The following ZSCAN2 variants were observed in gnomAD, a reference collection of about 807,000 sequenced individuals.
The protein encoded by ZSCAN2 is zinc finger and SCAN domain containing 2, also known as zinc finger and SCAN domain-containing protein 2.
In ZSCAN2, 26 loss-of-function variants were observed where a neutral mutation model predicts 47.8. The ratio of observed to expected loss-of-function variants is 0.54; its 90% CI spans 0.40 to 0.75. ZSCAN2 has a LOEUF of 0.75. ZSCAN2 is among the 30% of genes least tolerant of loss of function. The pLI, the probability that ZSCAN2 is intolerant of heterozygous loss-of-function variation, is 0.00. For synonymous variants in ZSCAN2, 305 were observed against 288.7 expected (o/e 1.06, Z -0.57); for missense variants, 732 against 785.4 (o/e 0.93, Z 0.81).
Position 84,622,709 on chromosome 15 carries a change from C to G in ZSCAN2, c.*669C>G. ...TGGAGCCAGTGTCCCAGTGTCCTTT[C>G]CATTGGTAAGAGTTGGACAGGGCCT... On this transcript the variant is annotated 3_prime_UTR_variant, in exon 3 of 3. Coordinates refer to ENST00000546148, the MANE Select transcript of ZSCAN2 (RefSeq NM_181877.4). 1.4e-6 allele frequency: 1 copy of G among 717,142 alleles called. No homozygotes were observed. The highest frequency in any genetic ancestry group is 2.0e-5 in the Admixed American group (1 of 49,962). 44.4% of individuals were successfully genotyped at this position (717,142 alleles called of 1,614,324 possible).
intron 2 of ZSCAN2, among the ~76,000 whole-genome samples, chr15:84,610,099 G>T (rs1281089431): frequency 6.6e-6 from 1 of 152,246 alleles, no homozygotes; most frequent in Non-Finnish European, 1.5e-5. Flanking sequence ...TTGAGCTACG[G>T]TGGCAGCTTT....
rs565611643 is a variant in ZSCAN2 at position 84,622,513 on chromosome 15, G to T, written c.*473G>T. On this transcript the variant is annotated 3_prime_UTR_variant, in exon 3 of 3. Coordinates refer to ENST00000546148, the MANE Select transcript of ZSCAN2 (RefSeq NM_181877.4). ...TTCACCCCAAGCTGTTAGTGTTCCAGGGCACCCCAAGCTGTCAGTTAGAAT... is the reference window on the plus strand; with the variant it reads ...TTCACCCCAAGCTGTTAGTGTTCCATGGCACCCCAAGCTGTCAGTTAGAAT... 2.5e-5 allele frequency: 17 copies of T among 672,566 alleles called. 1 individual carries two copies. Among genetic ancestry groups the T allele is most frequent in the Non-Finnish European group, 4.4e-5 (16 of 363,934 alleles). The allele number at this position is 672,566 out of a possible 1,614,324, so 41.7% of individuals were successfully genotyped here. A position where few individuals can be genotyped will look rare whatever the true frequency, so the allele number is the denominator to read the frequency against.
In ZSCAN2 at chr15:84,622,016, T is replaced by G. The variant is rs371759194; in HGVS notation, c.1821T>G (p.Thr607=). 1.9e-6 allele frequency: 3 copies of G among 1,606,336 alleles called. No individual in the cohort carries two copies. The African/African-American group carries it at 4.0e-5, about 22-fold the overall frequency. Residue 607 remains threonine, a synonymous_variant, in exon 3 of 3, where the codon ACT becomes ACG. Transcript: ENST00000546148. Reference sequence around the variant, plus strand: ...CTAACTTTATCACACATCAGAGAACTCACATGAAAGAGAAACTTTATTGAA... The same window carrying G: ...CTAACTTTATCACACATCAGAGAACGCACATGAAAGAGAAACTTTATTGAA... ...NSSNFITHQR[T]HMKEKLY
Position 84,620,896 on chromosome 15 carries a change from A to T in ZSCAN2, c.701A>T (p.Lys234Ile). The change falls in exon 3 of 3, where the codon AAA becomes ATA. Residue 234 changes from lysine (K) to isoleucine (I), a missense_variant. Lys to Ile is a moderately radical substitution (Grantham distance 102). Around this residue, in one of 2 missense-constraint regions of ZSCAN2, gnomAD observed 412 missense variants for 498.0 expected, o/e 0.83. Coordinates refer to ENST00000546148, the MANE Select transcript of ZSCAN2 (RefSeq NM_181877.4). ...CAGTGTGGGAAGACCTTCAGCCGGAAATCCCACCTCATCACACACGAGAGG... is the reference window on the plus strand; with the variant it reads ...CAGTGTGGGAAGACCTTCAGCCGGATATCCCACCTCATCACACACGAGAGG... Reference protein sequence around the residue: ...CPQCGKTFSRKSHLITHERTH... With the variant: ...CPQCGKTFSRISHLITHERTH... 6.2e-7 allele frequency: 1 copy of T among 1,614,174 alleles called. No individual in the cohort carries two copies. Among genetic ancestry groups the T allele is most frequent in the Non-Finnish European group, 8.5e-7 (1 of 1,180,028 alleles).
chr15:84,601,378 A>T (rs1241296624), intron 1 of ZSCAN2, among the ~76,000 whole-genome samples: 1 of 151,732 alleles, frequency 6.6e-6, no homozygotes, highest in Non-Finnish European at 1.5e-5. Flanking sequence ...CAGGCTTTGG[A>T]CGGGAAGGGG....
chr15:84,620,710 C>G lies in ZSCAN2; in HGVS notation c.515C>G (p.Ser172Cys), dbSNP rs778276096. ...CCTGAAGGTGAAAGTGCTCAGCACT[C>G]CGATGGGGAAAGTGACTTTGAGAGA... ...EMPEGESAQH[S>C]DGESDFERDA... The change falls in exon 3 of 3, where the codon TCC becomes TGC. Residue 172 changes from serine (S) to cysteine (C), a missense_variant. Coordinates refer to ENST00000546148, the MANE Select transcript of ZSCAN2 (RefSeq NM_181877.4). 6.2e-7 allele frequency: 1 copy of G among 1,614,200 alleles called. No homozygotes were observed. The highest frequency in any genetic ancestry group is 8.5e-7 in the Non-Finnish European group (1 of 1,180,042).
Position 84,603,883 on chromosome 15 carries a change from T to G in ZSCAN2, c.-45T>G, listed in dbSNP as rs997550737. ...ACCTGAGAGCCTGGCTGGAGAAGAC[T>G]GAGGTCCAAGGCTTGAAGCCTAAGT... On this transcript the variant is annotated 5_prime_UTR_variant, in exon 2 of 3. Transcript: ENST00000546148. 1.9e-6 allele frequency: 3 copies of G among 1,572,184 alleles called. No individual in the cohort carries two copies. The East Asian group carries it at 6.8e-5, about 35-fold the overall frequency.
chr15:84,605,971 G>A (rs1209134726), intron 2 of ZSCAN2, among the ~76,000 whole-genome samples: 1 of 152,232 alleles, frequency 6.6e-6, no homozygotes, highest in Non-Finnish European at 1.5e-5. Context: ...GTACCAGGCA[G>A]AACCAAGATT....
intron 1 of ZSCAN2, among the ~76,000 whole-genome samples, chr15:84,602,468 G>T (rs913454251): frequency 6.6e-5 from 10 of 152,006 alleles, no homozygotes; most frequent in African/African-American, 2.2e-4. Context: ...ATTGCCAAAT[G>T]AAGATATTGA....
rs1895853679 is a variant in ZSCAN2, at chr15:84,623,309, G to C, written c.*1269G>C. 5.3e-6 allele frequency: 1 copy of C among 189,376 alleles called. No homozygotes were observed. Among genetic ancestry groups the C allele is most frequent in the East Asian group, 1.9e-4 (1 of 5,302 alleles). The allele number at this position is 189,376 out of a possible 1,614,324, so 11.7% of individuals were successfully genotyped here. On this transcript the variant is annotated 3_prime_UTR_variant, in exon 3 of 3. Transcript: ENST00000546148. ...GGGTTTCACCGCGTTAGCCAGGATG[G>C]TTTCGATCTCCTGTCCTCGTGATCT...
intron 2 of ZSCAN2, among the ~76,000 whole-genome samples, chr15:84,619,549 G>A (rs756307929): frequency 3.9e-5 from 6 of 152,222 alleles, no homozygotes; most frequent in East Asian, 1.9e-4. Context: ...CTTATTGCAC[G>A]GGCTCTGTCA....
Position 84,621,614 on chromosome 15 carries a change from C to T in ZSCAN2, c.1419C>T (p.Pro473=), listed in dbSNP as rs1269306556. The stretch of plus-strand genomic sequence containing the variant: ...AGGGCATGCACACAGGGGAGAAACC[C>T]TACGAGTGCCTGACATGTGGGGAGA... ...AHQGMHTGEK[P]YECLTCGESF... is the part of the protein sequence containing the mutation. Residue 473 remains proline (P), a synonymous_variant, in exon 3 of 3, where the codon CCC becomes CCT. Coordinates refer to ENST00000546148, the MANE Select transcript of ZSCAN2 (RefSeq NM_181877.4). The surrounding 1 kb of genome is among the most constrained non-coding windows in gnomAD (Gnocchi z 5.7). 2.1e-5 allele frequency: 34 copies of T among 1,613,960 alleles called. No individual in the cohort carries two copies. The highest frequency in any genetic ancestry group is 2.8e-5 in the Non-Finnish European group (33 of 1,179,990).
rs544146754 is a variant in ZSCAN2 at position 84,617,004 on chromosome 15, C to G, written c.407-3598C>G. Among the ~76,000 whole-genome samples, 35 of 152,216 alleles carry G rather than the reference C, an allele frequency of 2.3e-4. 1 individual carries two copies. Among genetic ancestry groups the G allele is most frequent in the Non-Finnish European group, 8.8e-5 (6 of 68,026 alleles). On this transcript the variant is annotated intron_variant, in intron 2 of 2. Transcript: ENST00000546148. The stretch of plus-strand genomic sequence containing the variant: ...AGCCATGGTGGCACATGCCTGTAAT[C>G]CCAGTTAATTGGGAGGCTGAAGCAG...
intron 2 of ZSCAN2, chr15:84,606,329 C>A: frequency 1.8e-6 from 1 of 547,418 alleles, no homozygotes; most frequent in South Asian, 1.9e-5. Flanking sequence ...ATTGTCATTT[C>A]ACAGATAGGA....
In ZSCAN2 at chr15:84,612,894, G is replaced by A. The variant is rs74024721; in HGVS notation, c.407-7708G>A. Reference sequence around the variant, plus strand: ...AAGATAGCCCCATAAATTAAGTATCGCACTTAAAGGCTGCCAGATTTTAAA... The same window carrying A: ...AAGATAGCCCCATAAATTAAGTATCACACTTAAAGGCTGCCAGATTTTAAA... On this transcript the variant is annotated intron_variant, in intron 2 of 2. Transcript: ENST00000546148. Among the ~76,000 whole-genome samples the A allele has an allele frequency of 7.6e-4, 116 of 152,276 alleles. 1 individual carries two copies. The highest frequency in any genetic ancestry group is 2.6e-3 in the African/African-American group (107 of 41,558).
chr15:84,609,490 A>G (rs902019317), intron 2 of ZSCAN2, among the ~76,000 whole-genome samples: 1 of 152,126 alleles, frequency 6.6e-6, no homozygotes, highest in East Asian at 1.9e-4. Flanking sequence ...GCCCAGCCCA[A>G]AAATTACCTT....
chr15:84,605,407 C>T (rs143689536), intron 2 of ZSCAN2, among the ~76,000 whole-genome samples: 2 of 152,200 alleles, frequency 1.3e-5, no homozygotes, highest in Non-Finnish European at 2.9e-5. Context: ...AGAAGGCTTC[C>T]TGGAGGAGGT....
In ZSCAN2 at chr15:84,620,692, G is replaced by T; in HGVS notation, c.497G>T (p.Gly166Val). The T allele has an allele frequency of 6.2e-7, 1 of 1,614,220 alleles. No homozygotes were observed. Among genetic ancestry groups the T allele is most frequent in the South Asian group, 1.1e-5 (1 of 91,086 alleles). Residue 166 changes from glycine to valine, a missense_variant, in exon 3 of 3, where the codon GGT becomes GTT. Around this residue, in one of 2 missense-constraint regions of ZSCAN2, gnomAD observed 320 missense variants for 287.4 expected, o/e 1.11. Transcript: ENST00000546148. ...SRKIFSEMPE[G>V]ESAQHSDGES... The stretch of plus-strand genomic sequence containing the variant: ...AAGATATTCTCGGAAATGCCTGAAG[G>T]TGAAAGTGCTCAGCACTCCGATGGG...
At chr15:84,609,785 C>T (rs1329383645) in intron 2 of ZSCAN2, among the ~76,000 whole-genome samples, 1 of 152,150 alleles carries the variant, frequency 6.6e-6, no homozygotes, top group African/African-American at 2.4e-5. Context: ...GGCTGAGACA[C>T]AGGGGTAGGA....
Sources: gnomAD v4.1 joint callset for allele counts (sites outside exome capture counted in the v4.1 genomes callset) on GRCh38, gnomAD v4.1.1 for gene constraint, gnomAD v4.1.1 regional missense constraint, Gnocchi (gnomAD v3.1) non-coding constraint, MANE v1.5 for transcripts, NCBI Gene and HGNC (gene_info 2026-07-23, HGNC 2026-07-21) for gene names.